PDZK1: variants seen among roughly 807,000 people sequenced by gnomAD.
PDZK1 encodes Na(+)/H(+) exchange regulatory cofactor NHE-RF3.
In PDZK1, 23 loss-of-function variants were observed where a neutral mutation model predicts 38.1. That is an observed-to-expected ratio of 0.60 (90% CI 0.43 to 0.85). The LOEUF (loss-of-function observed/expected upper bound fraction) is 0.85. Ranked by LOEUF, PDZK1 falls within the 40% of genes least tolerant of loss-of-function variation. The pLI is 0.00. For missense variants in PDZK1, 297 were observed against 504.3 expected (o/e 0.59, Z 3.94); for synonymous variants, 98 against 186.2 (o/e 0.53, Z 3.86).
rs1284298 is a variant in PDZK1, at chr1:145,688,737, G to A, written c.-2-714C>T. On this transcript the variant is annotated intron_variant, in intron 1 of 8. Transcript: ENST00000417171. The stretch of plus-strand genomic sequence containing the variant: ...GCACTTTGGGAGGCCGAGGCGGGCA[G>A]ATCACAAGGTCAGGAGTTTGAGACC... Among the ~76,000 whole-genome samples the A allele has an allele frequency of 3.2e-3, 487 of 152,236 alleles. 2 individuals are homozygous for A. The highest frequency in any genetic ancestry group is 0.011 in the African/African-American group (476 of 41,530).
intron 4 of PDZK1, among the ~76,000 whole-genome samples, chr1:145,682,009 A>AAC (rs71077284): frequency 0.36 from 39,145 of 108,104 alleles, 7,469 homozygotes; most frequent in South Asian, 0.47. Context: ...ATCTCTACAA[A>AAC]ACACACACAC....
At chr1:145,688,920 C>T (rs182539737) in intron 1 of PDZK1, among the ~76,000 whole-genome samples, 1 of 152,186 alleles carries the variant, frequency 6.6e-6, no homozygotes, top group Non-Finnish European at 1.5e-5. Context: ...GATCACACTG[C>T]TGCACTCCAG....
intron 1 of PDZK1, among the ~76,000 whole-genome samples, chr1:145,699,490 C>T (rs1226979153): frequency 6.6e-6 from 1 of 152,088 alleles, no homozygotes; most frequent in Non-Finnish European, 1.5e-5. Context: ...GAATGTCAGA[C>T]TGTGGGGCCA....
At chr1:145,672,636 A>T in intron 8 of PDZK1, 94 bp downstream of exon 8, 2 of 1,488,930 alleles carry the variant, frequency 1.3e-6, no homozygotes, top group South Asian at 1.3e-5. Flanking sequence ...GTTTTAAAAA[A>T]ATCTGTGGCA....
chr1:145,685,016 C>G (rs1181311824), intron 3 of PDZK1, among the ~76,000 whole-genome samples: 1 of 151,740 alleles, frequency 6.6e-6, no homozygotes, highest in Non-Finnish European at 1.5e-5. Context: ...GTAAGACTAA[C>G]AGGCAGGTAA....
intron 4 of PDZK1, among the ~76,000 whole-genome samples, chr1:145,682,054 A>ACACACAC (rs1571596184): frequency 2.4e-5 from 3 of 125,492 alleles, no homozygotes; most frequent in South Asian, 2.6e-4. Context: ...ACACACACAT[A>ACACACAC]AAAATTAGCC....
chr1:145,685,556 AC>A (rs1654678916), intron 3 of PDZK1, among the ~76,000 whole-genome samples: 1 of 151,984 alleles, frequency 6.6e-6, no homozygotes, highest in Non-Finnish European at 1.5e-5. Context: ...CCTGAGAAAT[AC>A]CCCTTATCGT....
chr1:145,694,920 A>T (rs1427324881), intron 1 of PDZK1, among the ~76,000 whole-genome samples: 16 of 145,034 alleles, frequency 1.1e-4, no homozygotes, highest in Admixed American at 6.2e-4. Context: ...AAAAAAAAAA[A>T]GGAAAGAAAG....
At chr1:145,683,427 C>G (rs587669276) in intron 3 of PDZK1, among the ~76,000 whole-genome samples, 1 of 152,180 alleles carries the variant, frequency 6.6e-6, no homozygotes, top group African/African-American at 2.4e-5. Context: ...ACCATTCTCT[C>G]CTCTTCAGTT....
chr1:145,693,690 C>T (rs1052227917), intron 1 of PDZK1, among the ~76,000 whole-genome samples: 6 of 151,682 alleles, frequency 4.0e-5, no homozygotes, highest in Non-Finnish European at 5.9e-5. Flanking sequence ...AGGAGAATGG[C>T]GTGAACCCGG....
At chr1:145,687,487 T>C (rs113324916) in intron 2 of PDZK1, among the ~76,000 whole-genome samples, 5,091 of 132,254 alleles carry the variant, frequency 0.038, 298 homozygotes, top group African/African-American at 0.14. Flanking sequence ...ATCGCACCAC[T>C]GCACTCTAGC....
chr1:145,694,490 A>C (rs1655498921), intron 1 of PDZK1, among the ~76,000 whole-genome samples: 1 of 152,240 alleles, frequency 6.6e-6, no homozygotes, highest in African/African-American at 2.4e-5. Context: ...TGCCACAGGC[A>C]TCTGCCCCTC....
At chr1:145,680,283 AT>A (rs1208690157) in intron 5 of PDZK1, among the ~76,000 whole-genome samples, 1 of 152,126 alleles carries the variant, frequency 6.6e-6, no homozygotes, top group Non-Finnish European at 1.5e-5. Flanking sequence ...CCAAATTAAT[AT>A]TTGATAAATT....
intron 1 of PDZK1, among the ~76,000 whole-genome samples, chr1:145,702,743 A>T (rs1326355985): frequency 6.6e-6 from 1 of 152,122 alleles, no homozygotes. Context: ...AATACAAAAA[A>T]TTAGCTGGGT....
chr1:145,701,350 A>G (rs1655949489), intron 1 of PDZK1, among the ~76,000 whole-genome samples: 1 of 151,374 alleles, frequency 6.6e-6, no homozygotes, highest in African/African-American at 2.4e-5. Context: ...AAGGAAAAGA[A>G]AGGGCAGGGT....
At chr1:145,685,236 A>T (rs1553701396) in intron 3 of PDZK1, among the ~76,000 whole-genome samples, 2 of 152,026 alleles carry the variant, frequency 1.3e-5, no homozygotes, top group African/African-American at 4.8e-5. Context: ...GGACTCTTGT[A>T]TGTCAACCTA....
chr1:145,694,816 G>A (rs1246211832), intron 1 of PDZK1, among the ~76,000 whole-genome samples: 1 of 138,492 alleles, frequency 7.2e-6, no homozygotes, highest in Non-Finnish European at 1.5e-5. Context: ...AGAATCGCTT[G>A]AACCCGGGAG....
chr1:145,688,479 C>A (rs1016048847), intron 1 of PDZK1, among the ~76,000 whole-genome samples: 48 of 152,270 alleles, frequency 3.2e-4, no homozygotes, highest in African/African-American at 1.1e-3. Flanking sequence ...TTATTACATT[C>A]CTATAACCAC....
intron 1 of PDZK1, among the ~76,000 whole-genome samples, chr1:145,700,009 C>T (rs984197206): frequency 6.6e-6 from 1 of 152,164 alleles, no homozygotes; most frequent in African/African-American, 2.4e-5. Context: ...CTTTCCTGTC[C>T]TCTGATGAAA....
Sources: gnomAD v4.1 joint callset for allele counts (sites outside exome capture counted in the v4.1 genomes callset) on GRCh38, gnomAD v4.1.1 for gene constraint, MANE v1.5 for transcripts, NCBI Gene and HGNC (gene_info 2026-07-23, HGNC 2026-07-21) for gene names.